The following NRG1 variants were observed in gnomAD, a reference collection of about 807,000 sequenced individuals.
NRG1 encodes neuregulin 1, also known as pro-neuregulin-1, membrane-bound isoform.
In NRG1, 18 loss-of-function variants were observed where a neutral mutation model predicts 63.8. That is an observed-to-expected ratio of 0.28 (90% CI 0.19 to 0.42). NRG1 has a LOEUF of 0.42. NRG1 is among the 10% of genes least tolerant of loss of function. NRG1 has a pLI of 1.00. For synonymous variants in NRG1, 302 were observed against 301.3 expected (o/e 1.00, Z -0.02); for missense variants, 762 against 814.7 (o/e 0.94, Z 0.79).
At position 32,710,419 on chromosome 8, in the gene NRG1, T is replaced by C. The variant is rs1817524430; in HGVS notation, c.503-17530T>C. Among the ~76,000 whole-genome samples, 4 of 152,210 alleles carry C rather than the reference T, an allele frequency of 2.6e-5. No individual in the cohort carries two copies. The South Asian group carries it at 8.3e-4, about 31-fold the overall frequency. On this transcript the variant is annotated intron_variant, in intron 5 of 11. Coordinates refer to ENST00000356819, the Ensembl canonical transcript of NRG1. ...AGAGATCTTATGCAAATATTAAATA[T>C]TGCACAGGCATCATAACTAAATTTA...
intron 1 of NRG1, among the ~76,000 whole-genome samples, chr8:32,337,653 C>CGAAAAAAAAAA (rs1803452831): frequency 8.1e-5 from 2 of 24,704 alleles, no homozygotes; most frequent in African/African-American, 2.9e-4. Context: ...AGAGTTATTG[C>CGAAAAAAAAAA]AAAAAAAAAA....
At chr8:32,674,780 C>T (rs765823540) in intron 5 of NRG1, among the ~76,000 whole-genome samples, 3 of 152,096 alleles carry the variant, frequency 2.0e-5, no homozygotes, top group Non-Finnish European at 4.4e-5. Context: ...GTTCTCTGCT[C>T]CCCTCACCTC....
At chr8:31,735,060 T>G (rs1814520731) in intron 1 of NRG1, among the ~76,000 whole-genome samples, 1 of 151,930 alleles carries the variant, frequency 6.6e-6, no homozygotes, top group South Asian at 2.1e-4. Context: ...TGAAAAAAAA[T>G]GCGCTCAGCC....
At chr8:32,543,150 C>A (rs145546901) in intron 1 of NRG1, among the ~76,000 whole-genome samples, 1 of 152,176 alleles carries the variant, frequency 6.6e-6, no homozygotes, top group Middle Eastern at 3.4e-3. Context: ...TAAATGGATA[C>A]AAGGTTATAT....
intron 1 of NRG1, among the ~76,000 whole-genome samples, chr8:32,281,989 T>G (rs1323144825): frequency 6.6e-6 from 1 of 152,084 alleles, no homozygotes. Flanking sequence ...TTCTGAGGCT[T>G]TAAGCTTCAA....
intron 1 of NRG1, chr8:32,099,864 C>T (rs1830345254): frequency 6.6e-6 from 1 of 152,112 alleles, no homozygotes; most frequent in African/African-American, 2.4e-5. Flanking sequence ...TACATAGTTG[C>T]AGAAAGAAAC....
chr8:32,035,700 T>G (rs564158822), intron 1 of NRG1, among the ~76,000 whole-genome samples: 1 of 152,304 alleles, frequency 6.6e-6, no homozygotes, highest in African/African-American at 2.4e-5. Flanking sequence ...CTGCCCTTAT[T>G]TGTCTTTTTT....
intron 1 of NRG1, among the ~76,000 whole-genome samples, chr8:32,121,836 T>C (rs749659309): frequency 7.9e-5 from 12 of 151,966 alleles, no homozygotes; most frequent in Non-Finnish European, 1.2e-4. Flanking sequence ...GACATTATCA[T>C]TCTAAATATT....
chr8:31,737,977 A>T (rs981145003), intron 1 of NRG1, among the ~76,000 whole-genome samples: 1 of 152,074 alleles, frequency 6.6e-6, no homozygotes, highest in Non-Finnish European at 1.5e-5. Flanking sequence ...AATATTCAAC[A>T]TTATATATAT....
chr8:32,662,110 A>G (rs1381460097), intron 5 of NRG1, among the ~76,000 whole-genome samples: 1 of 152,244 alleles, frequency 6.6e-6, no homozygotes, highest in African/African-American at 2.4e-5. Context: ...AAATTATCAC[A>G]TGTACCCCCA....
chr8:32,385,164 C>T (rs1294894919), intron 1 of NRG1, among the ~76,000 whole-genome samples: 2 of 152,008 alleles, frequency 1.3e-5, no homozygotes, highest in East Asian at 3.9e-4. Flanking sequence ...GGACTACAGG[C>T]GCCCGTCACC....
intron 5 of NRG1, among the ~76,000 whole-genome samples, chr8:32,674,955 G>T (rs757777101): frequency 1.5e-4 from 23 of 152,136 alleles, no homozygotes; most frequent in Non-Finnish European, 2.4e-4. Context: ...ATGGAGCAAG[G>T]ATGTGAGAGT....
At chr8:31,920,872 ATAGATAGATAGG>A (rs1216592691) in intron 1 of NRG1, among the ~76,000 whole-genome samples, 10 of 136,594 alleles carry the variant, frequency 7.3e-5, no homozygotes, top group Non-Finnish European at 1.4e-4. Context: ...ACATAGATAG[ATAGATAGATAGG>A]TAGATAGATA....
intron 5 of NRG1, among the ~76,000 whole-genome samples, chr8:32,635,680 T>C (rs1386541085): frequency 6.6e-6 from 1 of 152,212 alleles, no homozygotes; most frequent in Non-Finnish European, 1.5e-5. Context: ...TTTTACATTG[T>C]CATTGCAGTT....
At chr8:32,737,302 C>A (rs901369261) in intron 6 of NRG1, among the ~76,000 whole-genome samples, 2 of 152,122 alleles carry the variant, frequency 1.3e-5, no homozygotes, top group Admixed American at 1.3e-4. Flanking sequence ...GTAATCCCAG[C>A]ACTTTGCGAG....
At chr8:32,313,181 T>C (rs1247746365) in intron 1 of NRG1, among the ~76,000 whole-genome samples, 2 of 152,144 alleles carry the variant, frequency 1.3e-5, no homozygotes. Flanking sequence ...TTTAGGAAAT[T>C]CTGTATTTCA....
intron 1 of NRG1, among the ~76,000 whole-genome samples, chr8:31,855,307 G>A (rs1314147100): frequency 6.6e-6 from 1 of 152,180 alleles, no homozygotes; most frequent in Non-Finnish European, 1.5e-5. Flanking sequence ...TGTATTGGGT[G>A]CATATATGTT....
chr8:31,639,653 C>T, intron 1 of NRG1: 1 of 1,396,538 alleles, frequency 7.2e-7, no homozygotes, highest in Non-Finnish European at 9.2e-7. Context: ...GCCCCGACAG[C>T]AGGGCTCGGG....
intron 1 of NRG1, among the ~76,000 whole-genome samples, chr8:32,057,582 C>A (rs1216778190): frequency 6.6e-6 from 1 of 152,164 alleles, no homozygotes; most frequent in African/African-American, 2.4e-5. Context: ...GTTTTTACCA[C>A]TCCTGTTCCC....
Sources: gnomAD v4.1 joint callset for allele counts (sites outside exome capture counted in the v4.1 genomes callset) on GRCh38, gnomAD v4.1.1 for gene constraint, MANE v1.5 for transcripts, NCBI Gene and HGNC (gene_info 2026-07-23, HGNC 2026-07-21) for gene names.